HELLS: variants seen among roughly 807,000 people sequenced by gnomAD.
The protein encoded by HELLS is helicase, lymphoid specific.
In HELLS, 32 loss-of-function variants were observed where a neutral mutation model predicts 120.0. The observed-to-expected ratio is 0.27, with a 90% confidence interval of 0.20 to 0.36. HELLS has a LOEUF of 0.36. Ranked by LOEUF, HELLS falls within the 10% of genes least tolerant of loss-of-function variation. The probability of loss-of-function intolerance (pLI) is 1.00; values close to 1 mark genes in which losing one functional copy is unlikely to be tolerated. For synonymous variants in HELLS, 341 were observed against 323.4 expected (o/e 1.05, Z -0.58); for missense variants, 650 against 993.4 (o/e 0.65, Z 4.65).
At chr10:94,567,309 T>G (rs1312842931) in intron 6 of HELLS, among the ~76,000 whole-genome samples, 2 of 152,138 alleles carry the variant, frequency 1.3e-5, no homozygotes, top group East Asian at 1.9e-4. Flanking sequence ...TTTCCAAGGT[T>G]TTTTTTGAGA....
chr10:94,569,549 T>G (rs1844027441), intron 6 of HELLS: 1 of 152,116 alleles, frequency 6.6e-6, no homozygotes, highest in African/African-American at 2.4e-5. Context: ...GGGAATTCCT[T>G]AATATTTAAA....
rs146535198 is a variant in HELLS, at chr10:94,581,200, T to C, written c.1033-126T>C. ...ATGAAAACATGATCATTTCAGTAGT[T>C]ACTGAAATTACATTTGATAAAATTC... is the stretch of plus-strand genomic sequence containing the variant. On this transcript the variant is annotated intron_variant, in intron 10 of 21. Coordinates refer to ENST00000348459, the MANE Select transcript of HELLS (RefSeq NM_018063.5). The C allele has an allele frequency of 3.4e-3, 1,905 of 557,902 alleles. 7 individuals are homozygous for C. The highest frequency in any genetic ancestry group is 5.2e-3 in the Non-Finnish European group (1,681 of 322,070). The allele number at this position is 557,902 out of a possible 1,614,324, so 34.6% of individuals were successfully genotyped here.
At chr10:94,578,122 G>C (rs1050286496) in intron 10 of HELLS, among the ~76,000 whole-genome samples, 1 of 151,154 alleles carries the variant, frequency 6.6e-6, no homozygotes, top group Non-Finnish European at 1.5e-5. Flanking sequence ...GGGTGTGATG[G>C]TGCACATGTT....
exon 10 of HELLS, chr10:94,610,012 G>A (rs936331341): frequency 5.9e-5 from 9 of 152,090 alleles, no homozygotes; most frequent in African/African-American, 2.2e-4. Flanking sequence ...TGATCAATTC[G>A]TTATTGTTTG....
chr10:94,580,162 T>C (rs7070488), intron 10 of HELLS, among the ~76,000 whole-genome samples: 3,225 of 46,812 alleles, frequency 0.069, 71 homozygotes, highest in African/African-American at 0.1. Flanking sequence ...TATATATATA[T>C]ACACACACAC....
chr10:94,579,136 T>A (rs1322445530), intron 10 of HELLS, among the ~76,000 whole-genome samples: 2 of 151,970 alleles, frequency 1.3e-5, no homozygotes, highest in East Asian at 1.9e-4. Flanking sequence ...CAATTTTTTT[T>A]AAAGGGTAGT....
intron 6 of HELLS, among the ~76,000 whole-genome samples, chr10:94,566,603 T>G (rs138024230): frequency 7.7e-4 from 117 of 152,254 alleles, no homozygotes; most frequent in African/African-American, 2.7e-3. Flanking sequence ...CTTGGCTAGT[T>G]TATTCAGAGA....
At chr10:94,597,189 A>G (rs1845780928) in intron 21 of HELLS, 78 bp downstream of exon 21, 3 of 783,152 alleles carry the variant, frequency 3.8e-6, no homozygotes, top group South Asian at 3.3e-5. Flanking sequence ...CCCTTGTGCA[A>G]TTCATTCAGC....
chr10:94,545,872 A>G lies in HELLS; in HGVS notation c.-50A>G. 2 of 1,548,748 alleles carry G rather than the reference A, an allele frequency of 1.3e-6. No homozygotes were observed. Among genetic ancestry groups the G allele is most frequent in the South Asian group, 1.2e-5 (1 of 84,026 alleles). ...CGGTTGTGAGGAGTTAGCTCGCGGC[A>G]TTGCAGGCTCTGAGAGGAGGGGACC... On this transcript the variant is annotated 5_prime_UTR_variant, in exon 1 of 22. Coordinates refer to ENST00000348459, the MANE Select transcript of HELLS (RefSeq NM_018063.5).
At chr10:94,594,898 T>A (rs752301677) in intron 19 of HELLS, 44 bp downstream of exon 19, 1 of 1,417,426 alleles carries the variant, frequency 7.1e-7, no homozygotes, top group South Asian at 1.2e-5. Flanking sequence ...AATTGTGCAT[T>A]GTGTGTTGTG....
intron 9 of HELLS, among the ~76,000 whole-genome samples, chr10:94,575,761 G>GC (rs1844418323): frequency 7.8e-6 from 1 of 128,400 alleles, no homozygotes; most frequent in Non-Finnish European, 1.6e-5. Flanking sequence ...TGTTGGGGGG[G>GC]GGGTTGTGTT....
chr10:94,596,835 G>A (rs1845763072), intron 19 of HELLS, 25 bp from the exon 20 acceptor site: 1 of 1,183,048 alleles, frequency 8.5e-7, no homozygotes, highest in Non-Finnish European at 1.2e-6. Flanking sequence ...GAATTTTAAT[G>A]TTTTTAATTT....
intron 4 of HELLS, among the ~76,000 whole-genome samples, chr10:94,562,037 T>C (rs532360578): frequency 0.012 from 1,806 of 151,340 alleles, 54 homozygotes; most frequent in African/African-American, 0.042. Flanking sequence ...CGCCTCTGCC[T>C]CCCAAAGTGC....
chr10:94,550,977 A>G (rs897266026), intron 2 of HELLS: 1 of 152,210 alleles, frequency 6.6e-6, no homozygotes, highest in African/African-American at 2.4e-5. Context: ...AACTGAACTT[A>G]AATTTTAAAA....
chr10:94,590,980 A>G (rs780185567), intron 15 of HELLS, among the ~76,000 whole-genome samples: 1 of 152,136 alleles, frequency 6.6e-6, no homozygotes. Context: ...GTCACTTTCT[A>G]TGAGCAACTA....
rs1845441550 is a variant in HELLS, at chr10:94,590,642, G to T, written c.1633G>T (p.Val545Phe). 1.9e-6 allele frequency: 3 copies of T among 1,608,822 alleles called. No homozygotes were observed. The African/African-American group carries it at 4.0e-5, about 22-fold the overall frequency. The change falls in exon 15 of 22, where the codon GTT (valine) becomes TTT (phenylalanine). Residue 545 changes from valine to phenylalanine, a missense_variant. Coordinates refer to ENST00000348459, the MANE Select transcript of HELLS (RefSeq NM_018063.5). Reference sequence around the variant, plus strand: ...ATGCATTATTTGTTTTGGTAGAGCTGTTGTGGAAGTGAATATCCCTGTAGA... The same window carrying T: ...ATGCATTATTTGTTTTGGTAGAGCTTTTGTGGAAGTGAATATCCCTGTAGA... ...IQPEVDRERA[V>F]VEVNIPVESE...
In HELLS at chr10:94,594,819, C is replaced by T. The variant is rs944816668; in HGVS notation, c.2213C>T (p.Ala738Val). The T allele has an allele frequency of 6.2e-7, 1 of 1,613,272 alleles. No homozygotes were observed. Among genetic ancestry groups the T allele is most frequent in the Non-Finnish European group, 8.5e-7 (1 of 1,179,576 alleles). Residue 738 changes from alanine to valine, a missense_variant, in exon 19 of 22, where the codon GCT becomes GTT. Around this residue, in one of 9 missense-constraint regions of HELLS, gnomAD observed 22 missense variants for 78.2 expected, o/e 0.28. Coordinates refer to ENST00000348459, the MANE Select transcript of HELLS (RefSeq NM_018063.5). Reference sequence around the variant, plus strand: ...CAGAAAATTGTGGAAAGAGCAGCTGCTAAAAGGAAACTGGAAAAGTTGATC... The same window carrying T: ...CAGAAAATTGTGGAAAGAGCAGCTGTTAAAAGGAAACTGGAAAAGTTGATC... ...IDQKIVERAA[A>V]KRKLEKLIIH...
chr10:94,571,220 G>T, intron 6 of HELLS, 168 bp from the exon 7 acceptor site: 1 of 488,896 alleles, frequency 2.0e-6, no homozygotes, highest in East Asian at 3.8e-5. Context: ...GAAATATTAT[G>T]AGCCAGTAAT....
intron 12 of HELLS, among the ~76,000 whole-genome samples, chr10:94,587,026 G>T (rs1468212485): frequency 6.6e-6 from 1 of 152,062 alleles, no homozygotes; most frequent in Admixed American, 6.5e-5. Flanking sequence ...TCTAGTATTT[G>T]TGCTCTTTTA....
Sources: allele counts gnomAD v4.1 joint callset (sites outside exome capture counted in the v4.1 genomes callset), GRCh38; gene constraint gnomAD v4.1.1; regional missense constraint gnomAD v4.1.1; transcripts MANE v1.5; gene names NCBI Gene and HGNC (gene_info 2026-07-23, HGNC 2026-07-21).